PCDHA8: variants seen among roughly 807,000 people sequenced by gnomAD.
PCDHA8 encodes protocadherin alpha 8.
PCDHA8 carries 53 observed loss-of-function variants against 61.8 expected under a neutral mutation model. That is an observed-to-expected ratio of 0.86 (90% confidence interval 0.69 to 1.08). The LOEUF (loss-of-function observed/expected upper bound fraction) is 1.08. Among genes scored for constraint, PCDHA8 ranks in the 50% least tolerant of loss-of-function variants. The pLI is 0.00. For synonymous variants in PCDHA8, 618 were observed against 556.6 expected, an observed-to-expected ratio of 1.11 and a Z score of -1.55; for missense variants, 1,293 against 1,245.0, an observed-to-expected ratio of 1.04 and a Z score of -0.58.
At position 140,843,559 on chromosome 5, in the gene PCDHA8, G is replaced by A; in HGVS notation, c.2238G>A (p.Gly746=). The change falls in exon 1 of 4, where the codon GGG becomes GGA. Residue 746 remains glycine (G), a synonymous_variant. Transcript: ENST00000531613. ...CTCTGGTGTGCTCCAGTGCGGTGGG[G>A]AGCTGGTCATACTCGCAACAACAGC... ...KPTLVCSSAV[G]SWSYSQQQPQ... 1 of 1,595,950 alleles carries A rather than the reference G, an allele frequency of 6.3e-7. No individual in the cohort carries two copies. The highest frequency in any genetic ancestry group is 8.6e-7 in the Non-Finnish European group (1 of 1,165,472).
chr5:140,949,074 C>T (rs2094343019), intron 1 of PCDHA8, among the ~76,000 whole-genome samples: 1 of 151,780 alleles, frequency 6.6e-6, no homozygotes, highest in African/African-American at 2.4e-5. Flanking sequence ...AACTCTTTCA[C>T]CCATTTATTA....
At chr5:140,884,498 G>C in intron 1 of PCDHA8, 5 of 1,614,076 alleles carry the variant, frequency 3.1e-6, no homozygotes, top group Non-Finnish European at 4.2e-6. Context: ...GTGCTCCAGC[G>C]CGGCAGGGAG....
At position 140,928,140 on chromosome 5, in the gene PCDHA8, G is replaced by A. The variant is rs200493520; in HGVS notation, c.2395-50809G>A. On this transcript the variant is annotated intron_variant, in intron 1 of 3. Coordinates refer to ENST00000531613, the MANE Select transcript of PCDHA8 (RefSeq NM_018911.3). The stretch of plus-strand genomic sequence containing the variant: ...TCAGTGAATACCAAGTCCTGATCAC[G>A]GCCTCAGATAGTGGCTCACCCCCAC... The A allele has an allele frequency of 2.7e-5, 43 of 1,614,036 alleles. 1 individual carries two copies. The South Asian group carries it at 4.2e-4, about 16-fold the overall frequency.
chr5:140,857,392 C>G (rs142727326), intron 1 of PCDHA8: 2 of 1,598,470 alleles, frequency 1.3e-6, no homozygotes, highest in African/African-American at 1.3e-5. Flanking sequence ...CCGACGTGAA[C>G]GACAACGCGC....
At chr5:140,896,140 C>A (rs1415728420) in intron 1 of PCDHA8, among the ~76,000 whole-genome samples, 6 of 152,140 alleles carry the variant, frequency 3.9e-5, no homozygotes, top group Non-Finnish European at 7.4e-5. Flanking sequence ...ATCCAGTGCA[C>A]CATTGATGGG....
chr5:140,989,842 G>A (rs1411244835), intron 3 of PCDHA8, among the ~76,000 whole-genome samples: 1 of 152,178 alleles, frequency 6.6e-6, no homozygotes, highest in Non-Finnish European at 1.5e-5. Context: ...GTCAATGAGT[G>A]TGTGGACTGG....
At chr5:140,878,859 C>T (rs2057755620) in intron 1 of PCDHA8, among the ~76,000 whole-genome samples, 1 of 152,188 alleles carries the variant, frequency 6.6e-6, no homozygotes, top group African/African-American at 2.4e-5. Flanking sequence ...TTCAACTGAT[C>T]CTCCATTTCA....
At chr5:140,934,163 G>A (rs2153618590) in intron 1 of PCDHA8, among the ~76,000 whole-genome samples, 1 of 152,110 alleles carries the variant, frequency 6.6e-6, no homozygotes, top group Non-Finnish European at 1.5e-5. Flanking sequence ...ATTTCAGTGT[G>A]CAACAGAAGT....
At chr5:140,847,596 A>G (rs1159769892) in intron 1 of PCDHA8, 1 of 149,708 alleles carries the variant, frequency 6.7e-6, no homozygotes, top group Non-Finnish European at 1.5e-5. Context: ...TGAAATTAAA[A>G]CATATTGTAA....
At chr5:140,935,134 T>G (rs1358918679) in intron 1 of PCDHA8, among the ~76,000 whole-genome samples, 1 of 152,210 alleles carries the variant, frequency 6.6e-6, no homozygotes. Context: ...TAGTGAAAGA[T>G]GATACTTAGA....
chr5:140,987,106 C>T (rs113308102), intron 3 of PCDHA8, among the ~76,000 whole-genome samples: 4,830 of 151,440 alleles, frequency 0.032, 263 homozygotes, highest in African/African-American at 0.11. Context: ...CCCAGCTACT[C>T]GGGAGGCTGA....
At chr5:140,922,476 G>C (rs1473614127) in intron 1 of PCDHA8, among the ~76,000 whole-genome samples, 2 of 152,184 alleles carry the variant, frequency 1.3e-5, no homozygotes, top group African/African-American at 4.8e-5. Context: ...AGGAGAGAAG[G>C]CAGGACTAAA....
Position 140,993,289 on chromosome 5 carries a change from C to T in PCDHA8, c.2542+10726C>T, listed in dbSNP as rs148346866. Among the ~76,000 whole-genome samples the T allele has an allele frequency of 3.6e-3, 552 of 152,140 alleles. 3 individuals are homozygous for T. The highest frequency in any genetic ancestry group is 0.01 in the Middle Eastern group (3 of 294). On this transcript the variant is annotated intron_variant, in intron 3 of 3. Coordinates refer to ENST00000531613, the MANE Select transcript of PCDHA8 (RefSeq NM_018911.3). ...TCTTTGGTCTTTTCTTGCCCAGGGTCACAACCTTGCCTCCAGGATAATACC... is the reference window on the plus strand; with the variant it reads ...TCTTTGGTCTTTTCTTGCCCAGGGTTACAACCTTGCCTCCAGGATAATACC...
intron 1 of PCDHA8, among the ~76,000 whole-genome samples, chr5:140,973,377 G>T (rs1176312664): frequency 1.3e-5 from 2 of 152,208 alleles, no homozygotes; most frequent in Non-Finnish European, 2.9e-5. Context: ...ACAATGGTCA[G>T]AATAGACAAA....
At chr5:140,995,647 A>G (rs1419237450) in intron 3 of PCDHA8, among the ~76,000 whole-genome samples, 2 of 152,202 alleles carry the variant, frequency 1.3e-5, no homozygotes, top group African/African-American at 4.8e-5. Context: ...TTAGAAAAGG[A>G]GAATCGAAAA....
Position 140,956,868 on chromosome 5 carries a change from G to A in PCDHA8, c.2395-22081G>A, listed in dbSNP as rs1161897507. Among the ~76,000 whole-genome samples, 4 of 152,082 alleles carry A rather than the reference G, an allele frequency of 2.6e-5. No individual in the cohort carries two copies. In the South Asian group the frequency reaches 8.3e-4, roughly 32 times the overall value. On this transcript the variant is annotated intron_variant, in intron 1 of 3. Transcript: ENST00000531613. ...GGGTTAAATGGTTGAATGAATGTGT[G>A]AAAAGTTAGATATCAATGAATGAAT...
chr5:140,988,707 G>A (rs2097310016), intron 3 of PCDHA8, among the ~76,000 whole-genome samples: 1 of 152,106 alleles, frequency 6.6e-6, no homozygotes, highest in African/African-American at 2.4e-5. Context: ...TATTTTCTTG[G>A]ACCTCTCATT....
intron 1 of PCDHA8, among the ~76,000 whole-genome samples, chr5:140,910,741 A>G (rs1349649150): frequency 1.3e-5 from 2 of 152,142 alleles, no homozygotes; most frequent in African/African-American, 2.4e-5. Flanking sequence ...AACCAAGCAC[A>G]TAAATTATCA....
chr5:140,928,293 G>GT (rs2085123670), intron 1 of PCDHA8: 1 of 1,614,032 alleles, frequency 6.2e-7, no homozygotes, highest in South Asian at 1.1e-5. Context: ...TAGGCCGAGT[G>GT]TTTGCCCAGG....
Sources: allele counts gnomAD v4.1 joint callset (sites outside exome capture counted in the v4.1 genomes callset), GRCh38; gene constraint gnomAD v4.1.1; transcripts MANE v1.5; gene names NCBI Gene and HGNC (gene_info 2026-07-23, HGNC 2026-07-21).